CCDC158: variants seen among roughly 807,000 people sequenced by gnomAD.
The protein encoded by CCDC158 is coiled-coil domain-containing protein 158.
In CCDC158, 116 loss-of-function variants were observed where a neutral mutation model predicts 138.6. The observed-to-expected ratio is 0.84, with a 90% confidence interval of 0.72 to 0.98. The LOEUF (loss-of-function observed/expected upper bound fraction) is 0.98, where lower values mean the gene tolerates loss of function less well. Among genes scored for constraint, CCDC158 ranks in the 50% least tolerant of loss-of-function variants. The pLI is 0.00. For missense variants in CCDC158, 1,265 were observed against 1,306.1 expected (o/e 0.97, Z 0.48); for synonymous variants, 436 against 442.4 (o/e 0.99, Z 0.18).
At chr4:76,418,639 A>G (rs992454709) in intron 1 of CCDC158, among the ~76,000 whole-genome samples, 3 of 152,184 alleles carry the variant, frequency 2.0e-5, no homozygotes, top group Admixed American at 1.3e-4. Flanking sequence ...GAGCTTGTGC[A>G]GGGGGAGCTC....
chr4:76,374,203 G>A (rs1725512568), intron 9 of CCDC158, among the ~76,000 whole-genome samples: 1 of 151,984 alleles, frequency 6.6e-6, no homozygotes, highest in East Asian at 1.9e-4. Flanking sequence ...GCATATACAG[G>A]AAAAGAAATG....
intron 15 of CCDC158, among the ~76,000 whole-genome samples, chr4:76,355,047 T>C (rs917527557): frequency 1.3e-5 from 2 of 152,200 alleles, no homozygotes; most frequent in East Asian, 1.9e-4. Context: ...TTTACAAACA[T>C]GTATGTCACA....
chr4:76,331,329 G>A lies in CCDC158; in HGVS notation c.2942+15C>T, dbSNP rs201892546. ...TAAAAGGGACATTTTGAAAATGGGG[G>A]CTGGTATTTCCTACCTACTAAGAGT... On this transcript the variant is annotated intron_variant, in intron 21 of 24. Coordinates refer to ENST00000682701, the MANE Select transcript of CCDC158 (RefSeq NM_001394954.1). 4.4e-6 allele frequency: 7 copies of A among 1,608,984 alleles called. No individual in the cohort carries two copies. The highest frequency in any genetic ancestry group is 8.5e-7 in the Non-Finnish European group (1 of 1,175,474).
chr4:76,389,807 C>T (rs569383066), intron 4 of CCDC158, among the ~76,000 whole-genome samples: 2 of 152,174 alleles, frequency 1.3e-5, no homozygotes, highest in African/African-American at 2.4e-5. Flanking sequence ...AGTGGCATGA[C>T]ATATTTAAAG....
At chr4:76,407,528 C>T (rs185559763) in intron 2 of CCDC158, among the ~76,000 whole-genome samples, 3 of 152,216 alleles carry the variant, frequency 2.0e-5, no homozygotes, top group South Asian at 2.1e-4. Context: ...CTCATTTAAA[C>T]GAGTTTCATT....
intron 3 of CCDC158, 138 bp downstream of exon 3, chr4:76,403,000 T>C: frequency 1.6e-6 from 1 of 621,132 alleles, no homozygotes; most frequent in South Asian, 2.0e-5. Context: ...AGTAGAATTA[T>C]AAACAATATG....
At chr4:76,376,978 T>G (rs1255010577) in intron 9 of CCDC158, among the ~76,000 whole-genome samples, 1 of 152,254 alleles carries the variant, frequency 6.6e-6, no homozygotes, top group African/African-American at 2.4e-5. Flanking sequence ...CATGTTTGTA[T>G]CTATATGACC....
At position 76,383,743 on chromosome 4, in the gene CCDC158, T is replaced by A. The variant is rs1383479679; in HGVS notation, c.727-5A>T. 2.5e-6 allele frequency: 4 copies of A among 1,608,330 alleles called. No individual in the cohort carries two copies. Among genetic ancestry groups the A allele is most frequent in the African/African-American group, 1.3e-5 (1 of 74,806 alleles). On this transcript the variant is annotated splice_polypyrimidine_tract_variant and splice_region_variant and intron_variant, in intron 6 of 24. Transcript: ENST00000682701. ...TGCTTCAAGTTGATCCTCTACCTGG[T>A]TTTTAAAAAGAGACACTGATTTAGT...
intron 24 of CCDC158, among the ~76,000 whole-genome samples, chr4:76,318,422 A>G (rs1193136163): frequency 6.6e-6 from 1 of 152,126 alleles, no homozygotes; most frequent in African/African-American, 2.4e-5. Context: ...AGGAGATGGA[A>G]AATTCCTGGA....
At chr4:76,342,903 G>A (rs1216426606) in intron 18 of CCDC158, among the ~76,000 whole-genome samples, 1 of 152,174 alleles carries the variant, frequency 6.6e-6, no homozygotes, top group Non-Finnish European at 1.5e-5. Flanking sequence ...TCCAGGGTAA[G>A]AAACAGGGCA....
intron 24 of CCDC158, among the ~76,000 whole-genome samples, chr4:76,314,005 T>G (rs1343210647): frequency 2.0e-5 from 3 of 152,196 alleles, no homozygotes; most frequent in African/African-American, 7.2e-5. Flanking sequence ...TTTCTTTCTT[T>G]CTTGCTATAA....
intron 2 of CCDC158, among the ~76,000 whole-genome samples, chr4:76,405,501 G>T (rs955567602): frequency 6.6e-6 from 1 of 152,040 alleles, no homozygotes; most frequent in Admixed American, 6.6e-5. Context: ...TGGAAAAAAA[G>T]GATAAAGACA....
At chr4:76,373,179 A>T (rs1189763290) in intron 9 of CCDC158, among the ~76,000 whole-genome samples, 1 of 152,224 alleles carries the variant, frequency 6.6e-6, no homozygotes, top group Non-Finnish European at 1.5e-5. Flanking sequence ...GGTTCAGCGT[A>T]TGCTAAGAGG....
chr4:76,385,063 G>T (rs543819875), intron 4 of CCDC158, among the ~76,000 whole-genome samples: 1 of 152,232 alleles, frequency 6.6e-6, no homozygotes, highest in South Asian at 2.1e-4. Flanking sequence ...AAAACTCCAG[G>T]TGTCCTACTA....
intron 9 of CCDC158, among the ~76,000 whole-genome samples, chr4:76,379,041 A>G (rs909389554): frequency 6.6e-6 from 1 of 152,148 alleles, no homozygotes; most frequent in African/African-American, 2.4e-5. Flanking sequence ...CTCATTTTTA[A>G]TGCATTTTTT....
intron 7 of CCDC158, 26 bp from the exon 8 acceptor site, chr4:76,382,746 A>G: frequency 1.5e-6 from 2 of 1,359,014 alleles, no homozygotes; most frequent in Non-Finnish European, 2.1e-6. Flanking sequence ...GGTGATTGTC[A>G]TTTGATACAG....
intron 18 of CCDC158, among the ~76,000 whole-genome samples, chr4:76,338,606 A>C (rs540027922): frequency 1.3e-5 from 2 of 152,354 alleles, no homozygotes; most frequent in African/African-American, 4.8e-5. Context: ...TCAAAACCCT[A>C]TCAGTATGTG....
chr4:76,374,775 A>G (rs190576511), intron 9 of CCDC158, among the ~76,000 whole-genome samples: 6 of 152,256 alleles, frequency 3.9e-5, no homozygotes, highest in Admixed American at 3.9e-4. Context: ...AAAAGCTTAA[A>G]TTAAGATTTT....
intron 18 of CCDC158, chr4:76,345,166 A>C (rs1474106196): frequency 9.8e-7 from 1 of 1,015,600 alleles, no homozygotes; most frequent in Non-Finnish European, 1.6e-6. Context: ...GTCATCAAAA[A>C]GTACCTATTG....
Sources: gnomAD v4.1 joint callset for allele counts (sites outside exome capture counted in the v4.1 genomes callset) on GRCh38, gnomAD v4.1.1 for gene constraint, MANE v1.5 for transcripts, NCBI Gene and HGNC (gene_info 2026-07-23, HGNC 2026-07-21) for gene names.